Variants in BAIAP2L1 observed in about 807,000 individuals in gnomAD.
BAIAP2L1 encodes the protein BAR/IMD domain containing adaptor protein 2 like 1.
BAIAP2L1 carries 35 observed loss-of-function variants against 66.3 expected under a neutral mutation model. The observed-to-expected ratio is 0.53, with a 90% CI of 0.40 to 0.70. The LOEUF (loss-of-function observed/expected upper bound fraction) is 0.70. Among genes scored for constraint, BAIAP2L1 ranks in the 30% least tolerant of loss-of-function variants. BAIAP2L1 has a pLI of 0.00. For missense variants in BAIAP2L1, 622 were observed against 656.9 expected (o/e 0.95, Z 0.58); for synonymous variants, 269 against 248.7 (o/e 1.08, Z -0.77).
At chr7:98,314,701 G>A (rs534637289) in intron 7 of BAIAP2L1, among the ~76,000 whole-genome samples, 55 of 152,222 alleles carry the variant, frequency 3.6e-4, no homozygotes, top group African/African-American at 1.2e-3. Flanking sequence ...ATGGGGGCCC[G>A]TGGGCTGGGG....
chr7:98,345,860 A>G (rs542240837), intron 3 of BAIAP2L1, among the ~76,000 whole-genome samples: 7 of 152,256 alleles, frequency 4.6e-5, no homozygotes, highest in African/African-American at 1.7e-4. Flanking sequence ...GAAAGCCAAA[A>G]TGAGAGCCCA....
intron 1 of BAIAP2L1, among the ~76,000 whole-genome samples, chr7:98,380,807 C>A (rs1246430016): frequency 6.6e-6 from 1 of 150,618 alleles, no homozygotes; most frequent in Non-Finnish European, 1.5e-5. Flanking sequence ...ACCATCGCCA[C>A]CACCCAACCA....
At position 98,306,525 on chromosome 7, in the gene BAIAP2L1, A is replaced by C. The variant is rs1176775136; in HGVS notation, c.1164-9T>G. ...ACGGGAACCAACCCCTCCTACCGGC[A>C]AAGAGGGAGAAAAGACCCTATCAGC... On this transcript the variant is annotated splice_polypyrimidine_tract_variant and intron_variant, in intron 10 of 13. Coordinates refer to ENST00000005260, the MANE Select transcript of BAIAP2L1 (RefSeq NM_018842.5). 1 of 1,614,144 alleles carries C rather than the reference A, an allele frequency of 6.2e-7. No homozygotes were observed. The highest frequency in any genetic ancestry group is 1.7e-5 in the Admixed American group (1 of 60,012).
chr7:98,379,030 C>A (rs1227681519), intron 1 of BAIAP2L1, among the ~76,000 whole-genome samples: 1 of 151,998 alleles, frequency 6.6e-6, no homozygotes. Context: ...TGGGTTTCAC[C>A]GTGTTAGCCA....
rs1801103819 is a variant in BAIAP2L1 at position 98,317,287 on chromosome 7, A to T, written c.418T>A (p.Leu140Met). The T allele has an allele frequency of 5.6e-6, 9 of 1,613,936 alleles. No individual in the cohort carries two copies. The highest frequency in any genetic ancestry group is 1.7e-5 in the Admixed American group (1 of 59,988). ...TGGCTTTTCCTTCTGATCTTCTTCA[A>T]CTCAGCTTGGGATTTCTCCAAAGAC... ...LESLEKSQAE[L>M]KKIRRKSQGS... is the part of the protein sequence containing the mutation. The change falls in exon 6 of 14, where the codon TTG becomes ATG. Residue 140 changes from leucine (L) to methionine (M), a missense_variant. Coordinates refer to ENST00000005260, the MANE Select transcript of BAIAP2L1 (RefSeq NM_018842.5).
intron 3 of BAIAP2L1, among the ~76,000 whole-genome samples, chr7:98,340,921 T>C (rs1475055172): frequency 6.7e-6 from 1 of 149,738 alleles, no homozygotes; most frequent in Non-Finnish European, 1.5e-5. Context: ...CCCGAGTAGC[T>C]GGGATTACAG....
chr7:98,393,059 G>A (rs868468373), intron 1 of BAIAP2L1, among the ~76,000 whole-genome samples: 1 of 93,656 alleles, frequency 1.1e-5, no homozygotes, highest in Non-Finnish European at 2.1e-5. Context: ...GTACATATAT[G>A]TACACATATA....
chr7:98,386,693 G>GTTT (rs71112150), intron 1 of BAIAP2L1: 6,475 of 185,926 alleles, frequency 0.035, 71 homozygotes, highest in Middle Eastern at 0.042. Flanking sequence ...CTTTCCAAAG[G>GTTT]TTTTTTTTTT....
intron 9 of BAIAP2L1, chr7:98,309,277 C>T (rs1034754638): frequency 6.6e-6 from 1 of 152,192 alleles, no homozygotes; most frequent in Admixed American, 6.6e-5. Flanking sequence ...GCCTCAGCCT[C>T]CTGAACAGCT....
intron 3 of BAIAP2L1, among the ~76,000 whole-genome samples, chr7:98,335,712 AG>A (rs1189451199): frequency 1.3e-5 from 2 of 152,180 alleles, no homozygotes; most frequent in East Asian, 3.8e-4. Context: ...GCAGTGGCAC[AG>A]GGGTGGTAAC....
At chr7:98,310,959 T>A (rs1023464233) in intron 8 of BAIAP2L1, among the ~76,000 whole-genome samples, 3 of 152,108 alleles carry the variant, frequency 2.0e-5, no homozygotes, top group Non-Finnish European at 4.4e-5. Flanking sequence ...GTGCTGGGAT[T>A]ACAGGTGTGA....
At chr7:98,384,194 A>C (rs1802832462) in intron 1 of BAIAP2L1, among the ~76,000 whole-genome samples, 1 of 152,112 alleles carries the variant, frequency 6.6e-6, no homozygotes, top group South Asian at 2.1e-4. Context: ...AGTCCTTGGA[A>C]ATGTACCGTC....
At chr7:98,319,962 G>T in intron 5 of BAIAP2L1, 96 bp downstream of exon 5, 3 of 968,290 alleles carry the variant, frequency 3.1e-6, no homozygotes, top group Non-Finnish European at 4.8e-6. Context: ...CTTCTCTCCT[G>T]TCTGCTGCTG....
intron 1 of BAIAP2L1, among the ~76,000 whole-genome samples, chr7:98,374,614 G>T (rs1424881477): frequency 2.0e-5 from 3 of 151,980 alleles, no homozygotes; most frequent in Non-Finnish European, 4.4e-5. Flanking sequence ...GTGATTGTAG[G>T]TGTCTCTATA....
chr7:98,352,140 G>A (rs1218845507), intron 3 of BAIAP2L1, among the ~76,000 whole-genome samples: 2 of 151,544 alleles, frequency 1.3e-5, no homozygotes, highest in South Asian at 4.2e-4. Flanking sequence ...AAACAGATAC[G>A]GGGTGCCTTT....
At chr7:98,398,802 G>A (rs995752250) in intron 1 of BAIAP2L1, among the ~76,000 whole-genome samples, 33 of 152,256 alleles carry the variant, frequency 2.2e-4, no homozygotes, top group African/African-American at 6.5e-4. Context: ...GAGAAAAAAA[G>A]CAGGGTTTAA....
intron 1 of BAIAP2L1, among the ~76,000 whole-genome samples, chr7:98,380,695 A>G (rs1000733474): frequency 6.6e-6 from 1 of 151,032 alleles, no homozygotes; most frequent in Non-Finnish European, 1.5e-5. Flanking sequence ...AGCCTCCTAA[A>G]AAGTGCTGGG....
In BAIAP2L1 at chr7:98,391,745, CTAAAA is replaced by C. The variant is rs548635606; in HGVS notation, c.51+9052_51+9056del. Among the ~76,000 whole-genome samples, 308 of 149,972 alleles carry C rather than the reference CTAAAA, an allele frequency of 2.1e-3. 2 individuals are homozygous for C. Among genetic ancestry groups the C allele is most frequent in the African/African-American group, 7.0e-3 (285 of 40,838 alleles). ...AAAAAAAAATCTAAAACTCAAGTCA[CTAAAA>C]TCATGATAAACCAGAAGGACTCAAG... On this transcript the variant is annotated intron_variant, in intron 1 of 13. Coordinates refer to ENST00000005260, the MANE Select transcript of BAIAP2L1 (RefSeq NM_018842.5).
chr7:98,336,737 C>T (rs183561290), intron 3 of BAIAP2L1, among the ~76,000 whole-genome samples: 3 of 152,164 alleles, frequency 2.0e-5, no homozygotes, highest in African/African-American at 7.2e-5. Flanking sequence ...TAAGGGTCGC[C>T]CTTAAGAAAG....
Sources: allele counts gnomAD v4.1 joint callset (sites outside exome capture counted in the v4.1 genomes callset), GRCh38; gene constraint gnomAD v4.1.1; transcripts MANE v1.5; gene names NCBI Gene and HGNC (gene_info 2026-07-23, HGNC 2026-07-21).